Variants in GRIK2 observed in about 807,000 individuals in gnomAD.
The protein encoded by GRIK2 is glutamate receptor ionotropic, kainate 2.
Under a neutral mutation model 100.3 loss-of-function variants are expected in GRIK2, and 32 were observed. That is an observed-to-expected ratio of 0.32 (90% confidence interval 0.24 to 0.43). The LOEUF is 0.43. Among genes scored for constraint, GRIK2 ranks in the 20% least tolerant of loss-of-function variants. The pLI, the probability that GRIK2 is intolerant of heterozygous loss-of-function variation, is 1.00. For missense variants in GRIK2, 843 were observed against 1,114.9 expected (o/e 0.76, Z 3.47); for synonymous variants, 417 against 389.4 (o/e 1.07, Z -0.83).
chr6:101,685,070 C>G (rs535624334), intron 6 of GRIK2, among the ~76,000 whole-genome samples: 10 of 152,206 alleles, frequency 6.6e-5, no homozygotes, highest in African/African-American at 2.4e-4. Context: ...CAGCTAAGAT[C>G]CCATCTGCTC....
intron 2 of GRIK2, among the ~76,000 whole-genome samples, chr6:101,460,898 A>T (rs1455605062): frequency 6.6e-6 from 1 of 152,164 alleles, no homozygotes; most frequent in African/African-American, 2.4e-5. Flanking sequence ...ACTCCTTATA[A>T]TGAAATTTAT....
chr6:101,862,822 G>A (rs1474839977), intron 11 of GRIK2, among the ~76,000 whole-genome samples: 1 of 152,022 alleles, frequency 6.6e-6, no homozygotes, highest in Non-Finnish European at 1.5e-5. Flanking sequence ...AAATATGGAA[G>A]CAAACAATCT....
At chr6:101,484,318 G>A (rs1772698456) in intron 2 of GRIK2, among the ~76,000 whole-genome samples, 2 of 152,096 alleles carry the variant, frequency 1.3e-5, no homozygotes, top group African/African-American at 2.4e-5. Flanking sequence ...GGTTTGTTTA[G>A]TTTTTCAATG....
intron 4 of GRIK2, among the ~76,000 whole-genome samples, chr6:101,658,166 G>T (rs1286344671): frequency 6.6e-6 from 1 of 151,992 alleles, no homozygotes; most frequent in Non-Finnish European, 1.5e-5. Flanking sequence ...TCAACCCATT[G>T]TCTACATGAG....
chr6:102,068,295 A>G (rs1168173042), intron 16 of GRIK2, 52 bp from the exon 17 acceptor site: 8 of 1,285,100 alleles, frequency 6.2e-6, no homozygotes, highest in Non-Finnish European at 7.8e-6. Flanking sequence ...GATCTTGGAC[A>G]GTTACAGTTT....
intron 12 of GRIK2, among the ~76,000 whole-genome samples, chr6:101,921,983 C>T (rs1789551310): frequency 6.6e-6 from 1 of 151,744 alleles, no homozygotes; most frequent in African/African-American, 2.4e-5. Flanking sequence ...ATTTACCAAA[C>T]ATTTATTTTT....
At chr6:101,744,550 A>C (rs1328189066) in intron 7 of GRIK2, 2 of 108,984 alleles carry the variant, frequency 1.8e-5, no homozygotes, top group African/African-American at 7.8e-5. Context: ...ATATATATAT[A>C]TATATATATC....
chr6:101,446,108 G>C (rs1770359922), intron 2 of GRIK2, among the ~76,000 whole-genome samples: 1 of 151,888 alleles, frequency 6.6e-6, no homozygotes, highest in South Asian at 2.1e-4. Flanking sequence ...GCCTGTTCCT[G>C]TTGGCCTTGG....
intron 2 of GRIK2, among the ~76,000 whole-genome samples, chr6:101,535,416 C>G (rs2128286280): frequency 6.6e-6 from 1 of 151,762 alleles, no homozygotes; most frequent in East Asian, 1.9e-4. Context: ...AATTCTTTTC[C>G]TGTCCATGTT....
rs773278725 is a variant in GRIK2, at chr6:102,055,385, C to A, written c.2367C>A (p.Gly789=). 6.2e-7 allele frequency: 1 copy of A among 1,611,886 alleles called. No individual in the cohort carries two copies. Among genetic ancestry groups the A allele is most frequent in the Admixed American group, 1.7e-5 (1 of 59,978 alleles). ...CAATTCTTCAGCTGCAAGAGGAAGGCAAACTGCATATGATGAAGGAGAAAT... is the reference window on the plus strand; with the variant it reads ...CAATTCTTCAGCTGCAAGAGGAAGGAAAACTGCATATGATGAAGGAGAAAT... ...TIAILQLQEE[G]KLHMMKEKWW... The change falls in exon 16 of 17, where the codon GGC becomes GGA. Residue 789 remains glycine (G), a synonymous_variant. Coordinates refer to ENST00000369134, the MANE Select transcript of GRIK2 (RefSeq NM_021956.5).
At chr6:101,874,121 T>C (rs1245379589) in intron 11 of GRIK2, among the ~76,000 whole-genome samples, 1 of 152,196 alleles carries the variant, frequency 6.6e-6, no homozygotes, top group Non-Finnish European at 1.5e-5. Context: ...TTTGTCAATT[T>C]TGGCTTCTGT....
intron 11 of GRIK2, among the ~76,000 whole-genome samples, chr6:101,879,269 A>G (rs148258821): frequency 6.6e-6 from 1 of 152,194 alleles, no homozygotes; most frequent in African/African-American, 2.4e-5. Flanking sequence ...CCTAATGCTT[A>G]ACCTATTTCC....
chr6:101,850,741 T>C (rs1784084640), intron 10 of GRIK2, among the ~76,000 whole-genome samples: 1 of 152,072 alleles, frequency 6.6e-6, no homozygotes, highest in South Asian at 2.1e-4. Flanking sequence ...GACAAATCCT[T>C]ATTACAGATG....
intron 14 of GRIK2, among the ~76,000 whole-genome samples, chr6:101,963,284 T>A (rs1312589892): frequency 2.1e-4 from 7 of 33,858 alleles, no homozygotes; most frequent in Non-Finnish European, 3.3e-4. Flanking sequence ...TAGGATTTTT[T>A]TTTTTTTTTT....
chr6:101,957,257 C>T (rs1791995433), intron 14 of GRIK2, among the ~76,000 whole-genome samples: 1 of 25,430 alleles, frequency 3.9e-5, no homozygotes, highest in Admixed American at 6.9e-4. Context: ...TGCCGTTGAA[C>T]ATTTTTGTCA....
intron 1 of GRIK2, among the ~76,000 whole-genome samples, chr6:101,395,579 A>C (rs569081331): frequency 2.8e-4 from 42 of 152,238 alleles, no homozygotes; most frequent in Non-Finnish European, 5.6e-4. Context: ...TTTCACTGGC[A>C]GAATAGGAAA....
At chr6:101,467,499 A>C (rs538072605) in intron 2 of GRIK2, among the ~76,000 whole-genome samples, 1 of 152,188 alleles carries the variant, frequency 6.6e-6, no homozygotes, top group African/African-American at 2.4e-5. Flanking sequence ...CCTGGTAAAA[A>C]TGCACAATGA....
intron 4 of GRIK2, among the ~76,000 whole-genome samples, chr6:101,636,617 G>A (rs927643129): frequency 6.6e-6 from 1 of 151,832 alleles, no homozygotes; most frequent in Non-Finnish European, 1.5e-5. Context: ...TGCCAACACG[G>A]AAAGACAAAA....
At chr6:101,457,964 C>G (rs1771096987) in intron 2 of GRIK2, among the ~76,000 whole-genome samples, 1 of 152,000 alleles carries the variant, frequency 6.6e-6, no homozygotes, top group Non-Finnish European at 1.5e-5. Flanking sequence ...TATATTTAGA[C>G]TTGGAAAGTA....
Sources: allele counts gnomAD v4.1 joint callset (sites outside exome capture counted in the v4.1 genomes callset), GRCh38; gene constraint gnomAD v4.1.1; transcripts MANE v1.5; gene names NCBI Gene and HGNC (gene_info 2026-07-23, HGNC 2026-07-21).